Variants in RAPGEF5 observed in about 807,000 individuals in gnomAD.
The protein encoded by RAPGEF5 is Rap guanine nucleotide exchange factor 5, also known as M-Ras-regulated GEF.
In RAPGEF5, 65 loss-of-function variants were observed where a neutral mutation model predicts 125.2. The observed-to-expected ratio is 0.52, with a 90% CI of 0.43 to 0.64. RAPGEF5 has a LOEUF of 0.64. Among genes scored for constraint, RAPGEF5 ranks in the 30% least tolerant of loss-of-function variants. The pLI, the probability that RAPGEF5 is intolerant of heterozygous loss-of-function variation, is 0.00. For synonymous variants in RAPGEF5, 391 were observed against 385.9 expected (o/e 1.01, Z -0.16); for missense variants, 958 against 1,048.1 (o/e 0.91, Z 1.19).
chr7:22,131,798 A>G (rs1458764044), intron 23 of RAPGEF5, among the ~76,000 whole-genome samples: 2 of 152,228 alleles, frequency 1.3e-5, no homozygotes, highest in Non-Finnish European at 2.9e-5. Flanking sequence ...GAGTGAGGAT[A>G]TTCATTAAAT....
intron 6 of RAPGEF5, among the ~76,000 whole-genome samples, chr7:22,286,681 C>T (rs1782805572): frequency 1.3e-5 from 2 of 152,152 alleles, no homozygotes; most frequent in African/African-American, 4.8e-5. Flanking sequence ...AATTTACATC[C>T]TTAAGAATTG....
intron 4 of RAPGEF5, among the ~76,000 whole-genome samples, chr7:22,308,723 T>C (rs1381339456): frequency 6.6e-6 from 1 of 152,188 alleles, no homozygotes; most frequent in Non-Finnish European, 1.5e-5. Flanking sequence ...GGCCAGCATA[T>C]TCACATGTAT....
intron 11 of RAPGEF5, among the ~76,000 whole-genome samples, chr7:22,184,559 ACTC>A (rs1165425855): frequency 6.6e-6 from 1 of 152,152 alleles, no homozygotes; most frequent in Non-Finnish European, 1.5e-5. Flanking sequence ...GGTATGCTAT[ACTC>A]CTATTAAACA....
chr7:22,219,947 T>A lies in RAPGEF5; in HGVS notation c.915A>T (p.Arg305=), dbSNP rs376958206. The change falls in exon 9 of 26, where the codon CGA becomes CGT. Residue 305 remains arginine, a synonymous_variant. Coordinates refer to ENST00000665637, the MANE Select transcript of RAPGEF5 (RefSeq NM_012294.5). ...TTGCCAGCTTCTGGACTAGTTCAAT[T>A]CGTCCGATTTCATCTCTTTCCTGGA... ...CKLQERDEIG[R]IELVQKLAKE... is the part of the protein sequence containing the mutation. 1.1e-5 allele frequency: 17 copies of A among 1,613,546 alleles called. No homozygotes were observed. In the African/African-American group the frequency reaches 1.7e-4, roughly 16 times the overall value.
rs1242274055 is a variant in RAPGEF5, at chr7:22,118,472, C to CAT, written c.*3932_*3933dup. On this transcript the variant is annotated 3_prime_UTR_variant, in exon 26 of 26. Transcript: ENST00000665637. ...GATAAATACACAGCACAGTCATATA[C>CAT]ATATATATTATATATATACACAGAG... 3 of 152,442 alleles carry CAT rather than the reference C, an allele frequency of 2.0e-5. No homozygotes were observed. Among genetic ancestry groups the CAT allele is most frequent in the Non-Finnish European group, 4.4e-5 (3 of 68,014 alleles). The allele number at this position is 152,442 out of a possible 1,614,324, so 9.4% of individuals were successfully genotyped here.
At chr7:22,261,596 G>A (rs372220805) in intron 7 of RAPGEF5, among the ~76,000 whole-genome samples, 15 of 152,100 alleles carry the variant, frequency 9.9e-5, no homozygotes, top group Middle Eastern at 3.4e-3. Flanking sequence ...ACTGCACTCC[G>A]GCCTAGGCAA....
chr7:22,223,855 G>T (rs1343889881), intron 8 of RAPGEF5, among the ~76,000 whole-genome samples: 1 of 152,124 alleles, frequency 6.6e-6, no homozygotes, highest in Non-Finnish European at 1.5e-5. Flanking sequence ...AGATGCTGCT[G>T]CATAAGAAAA....
chr7:22,193,325 A>G (rs1207623803), intron 11 of RAPGEF5, 42 bp downstream of exon 11: 1 of 1,543,394 alleles, frequency 6.5e-7, no homozygotes, highest in South Asian at 1.2e-5. Flanking sequence ...CAAGGGCATC[A>G]GCTGCTATCA....
chr7:22,238,234 CA>C, intron 7 of RAPGEF5, among the ~76,000 whole-genome samples: 1 of 152,296 alleles, frequency 6.6e-6, no homozygotes, highest in Middle Eastern at 3.4e-3. Context: ...AGTGAAAAAT[CA>C]AATTTCTATT....
chr7:22,178,781 T>C (rs536510688), intron 11 of RAPGEF5, among the ~76,000 whole-genome samples: 1 of 152,142 alleles, frequency 6.6e-6, no homozygotes, highest in East Asian at 1.9e-4. Flanking sequence ...GCATGATTGA[T>C]TAAATCATGG....
At chr7:22,199,974 C>T (rs1228575982) in intron 9 of RAPGEF5, among the ~76,000 whole-genome samples, 2 of 152,184 alleles carry the variant, frequency 1.3e-5, no homozygotes, top group African/African-American at 4.8e-5. Flanking sequence ...GCTCTGCACC[C>T]TTTCCAACAC....
chr7:22,179,466 C>G (rs16873147), intron 11 of RAPGEF5, among the ~76,000 whole-genome samples: 2,156 of 152,168 alleles, frequency 0.014, 49 homozygotes, highest in African/African-American at 0.05. Flanking sequence ...TAATCCAAAC[C>G]ACTTCACAGG....
chr7:22,149,712 G>A (rs1295982977), intron 18 of RAPGEF5, among the ~76,000 whole-genome samples: 1 of 152,190 alleles, frequency 6.6e-6, no homozygotes, highest in Non-Finnish European at 1.5e-5. Flanking sequence ...GGAATGGAAC[G>A]AAGTGTACCA....
At chr7:22,342,257 C>T (rs557420628) in intron 1 of RAPGEF5, among the ~76,000 whole-genome samples, 1 of 152,328 alleles carries the variant, frequency 6.6e-6, no homozygotes, top group South Asian at 2.1e-4. Context: ...GCAGCTGGGA[C>T]ACAGGACACC....
chr7:22,287,571 C>T (rs1782825863), intron 6 of RAPGEF5, among the ~76,000 whole-genome samples: 1 of 152,134 alleles, frequency 6.6e-6, no homozygotes, highest in South Asian at 2.1e-4. Context: ...CATTCCAATA[C>T]CCCCAAAAAC....
intron 1 of RAPGEF5, among the ~76,000 whole-genome samples, chr7:22,341,675 C>A (rs956136694): frequency 1.3e-5 from 2 of 152,206 alleles, no homozygotes; most frequent in Non-Finnish European, 2.9e-5. Context: ...GGGCTACAGG[C>A]CCTGTATCAG....
At chr7:22,155,541 C>G (rs1353363467) in intron 16 of RAPGEF5, among the ~76,000 whole-genome samples, 1 of 151,998 alleles carries the variant, frequency 6.6e-6, no homozygotes, top group African/African-American at 2.4e-5. Context: ...TAATTGGCAC[C>G]ACAAAAATAA....
chr7:22,146,981 C>T lies in RAPGEF5; in HGVS notation c.1923G>A (p.Ser641=), dbSNP rs189043593. 804 of 1,613,658 alleles carry T rather than the reference C, an allele frequency of 5.0e-4. No homozygotes were observed. The highest frequency in any genetic ancestry group is 6.1e-4 in the Non-Finnish European group (716 of 1,179,756). ...AAGTGTTCATTCCCAAAATCCTCATCGACCTTTGCTGTGATTCCTCATTTT... is the reference window on the plus strand; with the variant it reads ...AAGTGTTCATTCCCAAAATCCTCATTGACCTTTGCTGTGATTCCTCATTTT... The part of the protein sequence containing the change: ...FAENEESQQR[S]MRILGMNTWD... The change falls in exon 19 of 26, where the codon TCG becomes TCA. Residue 641 remains serine (S), a synonymous_variant. Coordinates refer to ENST00000665637, the MANE Select transcript of RAPGEF5 (RefSeq NM_012294.5).
At chr7:22,193,740 C>G (rs1785074805) in intron 10 of RAPGEF5, 175 bp downstream of exon 10, 1 of 1,559,716 alleles carries the variant, frequency 6.4e-7, no homozygotes, top group East Asian at 2.4e-5. Context: ...GGAACTGAGT[C>G]CATCTGGCTG....
Sources: allele counts gnomAD v4.1 joint callset (sites outside exome capture counted in the v4.1 genomes callset), GRCh38; gene constraint gnomAD v4.1.1; transcripts MANE v1.5; gene names NCBI Gene and HGNC (gene_info 2026-07-23, HGNC 2026-07-21).